Variants in MAP2 observed in about 807,000 individuals in gnomAD.
The protein encoded by MAP2 is microtubule-associated protein 2.
A neutral mutation model predicts 137.6 loss-of-function variants in MAP2; 14 were observed. The ratio of observed to expected loss-of-function variants is 0.10; its 90% CI spans 0.07 to 0.16. The LOEUF is 0.16. Among genes scored for constraint, MAP2 ranks in the 10% least tolerant of loss-of-function variants. The pLI, the probability that MAP2 is intolerant of heterozygous loss-of-function variation, is 1.00. For synonymous variants in MAP2, 786 were observed against 782.3 expected (o/e 1.00, Z -0.08); for missense variants, 2,088 against 2,191.5 (o/e 0.95, Z 0.94).
chr2:209,596,709 G>A (rs553409676), intron 3 of MAP2, among the ~76,000 whole-genome samples: 4 of 152,146 alleles, frequency 2.6e-5, no homozygotes, highest in Non-Finnish European at 5.9e-5. Context: ...AGCCCATCTG[G>A]ATGGTAATTG....
chr2:209,570,865 G>A (rs1267688410), intron 2 of MAP2, among the ~76,000 whole-genome samples: 1 of 151,832 alleles, frequency 6.6e-6, no homozygotes, highest in African/African-American at 2.4e-5. Flanking sequence ...AGGATGATAC[G>A]GGAAGCATCT....
At chr2:209,704,798 C>A (rs1416155099) in intron 11 of MAP2, among the ~76,000 whole-genome samples, 1 of 151,846 alleles carries the variant, frequency 6.6e-6, no homozygotes, top group African/African-American at 2.4e-5. Context: ...AAACAGTATA[C>A]CTATTTTTTA....
intron 13 of MAP2, among the ~76,000 whole-genome samples, chr2:209,725,245 T>C (rs2073445309): frequency 6.6e-6 from 1 of 152,210 alleles, no homozygotes; most frequent in Non-Finnish European, 1.5e-5. Flanking sequence ...GTAATAACAA[T>C]TTAGGAAAGC....
chr2:209,721,064 C>G (rs2070595058), intron 13 of MAP2, among the ~76,000 whole-genome samples: 1 of 151,866 alleles, frequency 6.6e-6, no homozygotes, highest in Admixed American at 6.6e-5. Context: ...CTCTAAGATG[C>G]TAATTATTTG....
rs139047749 is a variant in MAP2 at position 209,694,468 on chromosome 2, A to G, written c.2298A>G (p.Glu766=). 48 of 1,613,984 alleles carry G rather than the reference A, an allele frequency of 3.0e-5. No homozygotes were observed. The highest frequency in any genetic ancestry group is 3.7e-5 in the Non-Finnish European group (44 of 1,179,978). The change falls in exon 8 of 16, where the codon GAA becomes GAG. Residue 766 remains glutamate, a synonymous_variant. Transcript: ENST00000682079. ...GCTTCCCTGTAGAAAGCAAAGAGGA[A>G]GAACAGATAGAGAAAGTAAAAGCTA... ...APCFPVESKE[E]EQIEKVKATG...
chr2:209,677,399 TAGATAGAC>T (rs1391701638), intron 5 of MAP2, among the ~76,000 whole-genome samples: 52 of 137,480 alleles, frequency 3.8e-4, no homozygotes, highest in South Asian at 2.7e-3. Context: ...GATAGATAGA[TAGATAGAC>T]AGACAGACAG....
chr2:209,486,683 G>T (rs973331521), intron 1 of MAP2, among the ~76,000 whole-genome samples: 18 of 152,262 alleles, frequency 1.2e-4, no homozygotes, highest in Admixed American at 1.1e-3. Flanking sequence ...TTTGCTTGTG[G>T]TTTTAAATAC....
chr2:209,425,416 G>T (rs1033063144), intron 1 of MAP2, among the ~76,000 whole-genome samples: 1 of 152,144 alleles, frequency 6.6e-6, no homozygotes, highest in Non-Finnish European at 1.5e-5. Context: ...GTACTTAAGA[G>T]ACTGATTTTT....
chr2:209,492,646 TAGAC>T (rs1171570642), intron 1 of MAP2, among the ~76,000 whole-genome samples: 3 of 151,894 alleles, frequency 2.0e-5, no homozygotes, highest in East Asian at 1.9e-4. Context: ...ACACCAATAA[TAGAC>T]AGACACAGAG....
At chr2:209,590,132 G>C (rs1448549726) in intron 3 of MAP2, among the ~76,000 whole-genome samples, 2 of 152,006 alleles carry the variant, frequency 1.3e-5, no homozygotes, top group Admixed American at 6.6e-5. Flanking sequence ...CCCCATCCAT[G>C]CTCTCATTAG....
chr2:209,676,299 A>G (rs946482926), intron 5 of MAP2, among the ~76,000 whole-genome samples: 3 of 151,938 alleles, frequency 2.0e-5, no homozygotes, highest in Admixed American at 6.6e-5. Flanking sequence ...CAAATATTGC[A>G]TGTTCTCAAT....
chr2:209,629,965 T>C (rs1184154928), intron 4 of MAP2, among the ~76,000 whole-genome samples: 2 of 152,196 alleles, frequency 1.3e-5, no homozygotes, highest in Non-Finnish European at 2.9e-5. Flanking sequence ...AAGGCTCTAG[T>C]TCTTATTAGG....
intron 13 of MAP2, among the ~76,000 whole-genome samples, chr2:209,721,130 A>C (rs2070655574): frequency 6.6e-6 from 1 of 152,296 alleles, no homozygotes; most frequent in African/African-American, 2.4e-5. Context: ...CTACGGCATA[A>C]ATATGAGTCA....
chr2:209,720,127 C>T (rs1337854512), intron 13 of MAP2, among the ~76,000 whole-genome samples: 1 of 152,124 alleles, frequency 6.6e-6, no homozygotes, highest in African/African-American at 2.4e-5. Flanking sequence ...TCTGAAGAAT[C>T]AGAATTGCTG....
chr2:209,631,434 G>A (rs75993093), intron 4 of MAP2, among the ~76,000 whole-genome samples: 281 of 152,240 alleles, frequency 1.8e-3, no homozygotes, highest in Non-Finnish European at 2.9e-3. Context: ...GATACAGTGT[G>A]ATATGAGGAA....
rs575090175 is a variant in MAP2, at chr2:209,481,656, T to C, written c.-221-25936T>C. 6.0e-4 allele frequency among the ~76,000 whole-genome samples: 91 copies of C among 152,282 alleles called. 1 individual carries two copies. Among genetic ancestry groups the C allele is most frequent in the African/African-American group, 2.1e-3 (86 of 41,570 alleles). On this transcript the variant is annotated intron_variant, in intron 1 of 15. Coordinates refer to ENST00000682079, the MANE Select transcript of MAP2 (RefSeq NM_001375505.1). ...AAAAAAAGATGAATTTGACTGCAGA[T>C]GAAGGAAGGGAAATGCTGAACTGAG...
In MAP2 at chr2:209,730,727, A is replaced by G. The variant is rs560629690; in HGVS notation, c.*330A>G. 4.5e-6 allele frequency: 1 copy of G among 222,478 alleles called. No homozygotes were observed. The highest frequency in any genetic ancestry group is 1.2e-4 in the East Asian group (1 of 8,300). The allele number at this position is 222,478 out of a possible 1,614,324, so 13.8% of individuals were successfully genotyped here. A position where few individuals can be genotyped will look rare whatever the true frequency, so the allele number is the denominator to read the frequency against. ...CCTGAAGGCTATCCACTACATTCTG[A>G]AGGCCTTGTTAAAATCCAAGCTGCT... On this transcript the variant is annotated 3_prime_UTR_variant, in exon 16 of 16. Transcript: ENST00000682079.
intron 2 of MAP2, among the ~76,000 whole-genome samples, chr2:209,545,895 C>T (rs1232295985): frequency 6.6e-6 from 1 of 152,150 alleles, no homozygotes; most frequent in Admixed American, 6.5e-5. Context: ...AATCCCAGCA[C>T]TTTGGGAGGC....
At chr2:209,636,356 G>A (rs1360148048) in intron 4 of MAP2, among the ~76,000 whole-genome samples, 1 of 152,070 alleles carries the variant, frequency 6.6e-6, no homozygotes, top group Non-Finnish European at 1.5e-5. Flanking sequence ...CAGACAGACT[G>A]CTGTGGCACT....
Sources: gnomAD v4.1 joint callset for allele counts (sites outside exome capture counted in the v4.1 genomes callset) on GRCh38, gnomAD v4.1.1 for gene constraint, MANE v1.5 for transcripts, NCBI Gene and HGNC (gene_info 2026-07-23, HGNC 2026-07-21) for gene names.